The following GNAO1 variants were observed in gnomAD, a reference collection of about 807,000 sequenced individuals.
GNAO1 encodes guanine nucleotide-binding protein G(o) subunit alpha.
For synonymous variants in GNAO1, 164 were observed against 180.7 expected, an observed-to-expected ratio of 0.91 and a Z score of 0.74; for missense variants, 166 against 478.7, an observed-to-expected ratio of 0.35 and a Z score of 6.10.
intron 3 of GNAO1, among the ~76,000 whole-genome samples, chr16:56,318,419 G>T (rs2143623968): frequency 6.6e-6 from 1 of 152,342 alleles, no homozygotes; most frequent in East Asian, 1.9e-4. Context: ...GCCGGGCCCG[G>T]CCCTGCAATG....
intron 2 of GNAO1, among the ~76,000 whole-genome samples, chr16:56,201,307 A>G (rs1211137101): frequency 3.3e-5 from 5 of 152,234 alleles, no homozygotes; most frequent in African/African-American, 1.2e-4. Context: ...AGGCAGAGGG[A>G]CTGGCATGTG....
chr16:56,235,381 G>T, intron 2 of GNAO1: 1 of 456,062 alleles, frequency 2.2e-6, no homozygotes, highest in Non-Finnish European at 4.4e-6. Flanking sequence ...GGGACTACAA[G>T]GAGGTAGGTA....
At chr16:56,212,406 C>T (rs1218508307) in intron 2 of GNAO1, among the ~76,000 whole-genome samples, 3 of 152,164 alleles carry the variant, frequency 2.0e-5, no homozygotes, top group African/African-American at 7.2e-5. Flanking sequence ...AACTCTGCTT[C>T]GATAAGCTTT....
At chr16:56,228,865 G>C (rs569826894) in intron 2 of GNAO1, among the ~76,000 whole-genome samples, 8 of 152,312 alleles carry the variant, frequency 5.3e-5, no homozygotes, top group African/African-American at 1.7e-4. Flanking sequence ...TTAAAAGTGC[G>C]TAGTGCTACT....
chr16:56,201,894 C>A (rs149872750), intron 2 of GNAO1, among the ~76,000 whole-genome samples: 129 of 152,250 alleles, frequency 8.5e-4, no homozygotes, highest in African/African-American at 2.9e-3. Flanking sequence ...AGTGCAGCTC[C>A]TGGTAGTGGG....
Position 56,311,602 on chromosome 16 carries a change from ACCCGAGGAGCGCGTCCCCT to A in GNAO1, c.304-17025_304-17007del. On this transcript the variant is annotated intron_variant, in intron 3 of 8. Coordinates refer to ENST00000262493, the MANE Select transcript of GNAO1 (RefSeq NM_020988.3). This position sits in a 1 kb window ranked among gnomAD's most constrained non-coding sequence, Gnocchi z 5.2. ...CACCTGGCCCTGCGCTGAACTGAGA[ACCCGAGGAGCGCGTCCCCT>A]CCCTCCTCCCTCCCTGCTGACATAG... Among the ~76,000 whole-genome samples the A allele has an allele frequency of 6.6e-6, 1 of 152,044 alleles. No individual in the cohort carries two copies. Among genetic ancestry groups the A allele is most frequent in the South Asian group, 2.1e-4 (1 of 4,810 alleles).
chr16:56,217,576 A>G lies in GNAO1; in HGVS notation c.161+24960A>G, dbSNP rs117087387. On this transcript the variant is annotated intron_variant, in intron 2 of 8. Transcript: ENST00000262493. ...TAAAGTAAGTGAAGTGAAGTATTGA[A>G]TGAGTGTTTGTGAGGCCCTGGGTAA... is the stretch of plus-strand genomic sequence containing the variant. Among the ~76,000 whole-genome samples the G allele has an allele frequency of 9.9e-3, 1,505 of 152,278 alleles. 50 individuals carry two copies. Among genetic ancestry groups the G allele is most frequent in the South Asian group, 0.07 (339 of 4,812 alleles).
chr16:56,225,786 G>A (rs565051708), intron 2 of GNAO1, among the ~76,000 whole-genome samples: 2 of 152,130 alleles, frequency 1.3e-5, no homozygotes, highest in Admixed American at 6.6e-5. Context: ...TCATGAAGAC[G>A]GAGAAACACA....
chr16:56,247,482 G>GTTTTTTTTTTTTT (rs61650674), intron 2 of GNAO1, among the ~76,000 whole-genome samples: 7 of 119,672 alleles, frequency 5.8e-5, no homozygotes, highest in Admixed American at 1.7e-4. Context: ...TTAGGGTGAG[G>GTTTTTTTTTTTTT]TTTTTTTTTT....
At chr16:56,206,603 G>A (rs935988935) in intron 2 of GNAO1, among the ~76,000 whole-genome samples, 16 of 152,158 alleles carry the variant, frequency 1.1e-4, no homozygotes, top group Non-Finnish European at 2.2e-4. Context: ...CGTAATTGCG[G>A]TGATGGTTAC....
At chr16:56,344,155 G>GA (rs1596877864) in intron 6 of GNAO1, 1 of 1,436,290 alleles carries the variant, frequency 7.0e-7, no homozygotes, top group Non-Finnish European at 9.1e-7. Context: ...CGGGGCTGCT[G>GA]AGTGCATGCT....
chr16:56,328,611 C>CCAT lies in GNAO1; in HGVS notation c.304-18_304-16dup. On this transcript the variant is annotated intron_variant, in intron 3 of 8. Coordinates refer to ENST00000262493, the MANE Select transcript of GNAO1 (RefSeq NM_020988.3). ...GTCCCCACCAAAGCGTCAAAGCCCA[C>CCAT]CATCCACCTCTCCTCACAGGCTGAC... 6.2e-7 allele frequency: 1 copy of CCAT among 1,610,400 alleles called. No individual in the cohort carries two copies. The highest frequency in any genetic ancestry group is 2.2e-5 in the East Asian group (1 of 44,772).
intron 2 of GNAO1, among the ~76,000 whole-genome samples, chr16:56,258,316 C>T (rs1435798221): frequency 1.3e-5 from 2 of 152,204 alleles, no homozygotes; most frequent in African/African-American, 4.8e-5. Context: ...GCCTCAGTCT[C>T]CTTATTTGTA....
intron 2 of GNAO1, among the ~76,000 whole-genome samples, chr16:56,196,145 C>T (rs1199527385): frequency 2.6e-5 from 4 of 152,102 alleles, no homozygotes; most frequent in Non-Finnish European, 4.4e-5. Flanking sequence ...TTCCCCCCCC[C>T]TTGTGTGTGT....
At chr16:56,344,887 G>C in intron 6 of GNAO1, 1 of 985,356 alleles carries the variant, frequency 1.0e-6, no homozygotes, top group Non-Finnish European at 1.2e-6. Context: ...CAGAGGTCTA[G>C]AGGGGGTGGA....
chr16:56,285,745 T>G (rs2037160157), intron 3 of GNAO1, among the ~76,000 whole-genome samples: 1 of 152,164 alleles, frequency 6.6e-6, no homozygotes, highest in African/African-American at 2.4e-5. Flanking sequence ...AAAAAGACAA[T>G]TATAGGATTT....
rs536712610 is a variant in GNAO1, at chr16:56,204,593, T to C, written c.161+11977T>C. Among the ~76,000 whole-genome samples, 11 of 152,290 alleles carry C rather than the reference T, an allele frequency of 7.2e-5. No individual in the cohort carries two copies. The South Asian group carries it at 2.3e-3, about 32-fold the overall frequency. ...CCACAGTGGATCCCCAGGAAGGGAA[T>C]GTGCTTCAGGAATTCTGGGTGGCGA... On this transcript the variant is annotated intron_variant, in intron 2 of 8. Transcript: ENST00000262493.
intron 2 of GNAO1, among the ~76,000 whole-genome samples, chr16:56,244,798 G>C (rs56404703): frequency 0.18 from 26,934 of 152,054 alleles, 2,550 homozygotes; most frequent in East Asian, 0.37. Context: ...TGCACGTGCT[G>C]TCAGGAGCAT....
intron 2 of GNAO1, among the ~76,000 whole-genome samples, chr16:56,211,899 C>A (rs2036392473): frequency 1.3e-5 from 2 of 152,234 alleles, no homozygotes; most frequent in African/African-American, 4.8e-5. Flanking sequence ...AGCGTGACAA[C>A]TTCCTACTTT....
Sources: allele counts gnomAD v4.1 joint callset (sites outside exome capture counted in the v4.1 genomes callset), GRCh38; gene constraint gnomAD v4.1.1; non-coding constraint Gnocchi (gnomAD v3.1); transcripts MANE v1.5; gene names NCBI Gene and HGNC (gene_info 2026-07-23, HGNC 2026-07-21).